The following MYT1L variants were observed in gnomAD, a reference collection of about 807,000 sequenced individuals.
MYT1L encodes the protein myelin transcription factor 1-like protein.
In MYT1L, 12 loss-of-function variants were observed where a neutral mutation model predicts 126.7. The observed-to-expected ratio is 0.09, with a 90% CI of 0.06 to 0.15. The LOEUF (loss-of-function observed/expected upper bound fraction) is 0.15. Ranked by LOEUF, MYT1L falls within the 10% of genes least tolerant of loss-of-function variation. The pLI, the probability that MYT1L is intolerant of heterozygous loss-of-function variation, is 1.00. For synonymous variants in MYT1L, 541 were observed against 604.2 expected, an observed-to-expected ratio of 0.90 and a Z score of 1.53; for missense variants, 979 against 1,585.2, an observed-to-expected ratio of 0.62 and a Z score of 6.49.
intron 2 of MYT1L, among the ~76,000 whole-genome samples, chr2:2,222,758 T>A (rs1431866701): frequency 1.3e-5 from 2 of 152,130 alleles, no homozygotes; most frequent in Non-Finnish European, 2.9e-5. Flanking sequence ...CTGTAGGATA[T>A]CTACTTGTAT....
intron 18 of MYT1L, among the ~76,000 whole-genome samples, chr2:1,856,243 T>C (rs1420496188): frequency 6.6e-6 from 1 of 152,170 alleles, no homozygotes; most frequent in Non-Finnish European, 1.5e-5. Context: ...TGAGGAACCC[T>C]TGGACTTGAC....
chr2:1,833,073 T>A (rs1239314865), intron 21 of MYT1L, among the ~76,000 whole-genome samples: 1 of 152,196 alleles, frequency 6.6e-6, no homozygotes, highest in African/African-American at 2.4e-5. Flanking sequence ...GAGCTGCAGG[T>A]TGAGCTCTCC....
chr2:2,183,116 T>C (rs1375591831), intron 2 of MYT1L, among the ~76,000 whole-genome samples: 3 of 152,030 alleles, frequency 2.0e-5, no homozygotes, highest in African/African-American at 7.2e-5. Context: ...ACAAAAAGCA[T>C]GGAGCAGTTG....
chr2:2,139,888 A>G (rs2083687379), intron 3 of MYT1L, among the ~76,000 whole-genome samples: 1 of 152,280 alleles, frequency 6.6e-6, no homozygotes, highest in South Asian at 2.1e-4. Flanking sequence ...TCATTTCCTC[A>G]GGTATGTTGG....
At chr2:2,145,785 T>C (rs2084793460) in intron 3 of MYT1L, among the ~76,000 whole-genome samples, 2 of 152,228 alleles carry the variant, frequency 1.3e-5, no homozygotes, top group Non-Finnish European at 2.9e-5. Context: ...TATAATGTTT[T>C]GACAAATATA....
chr2:1,808,954 T>C, intron 22 of MYT1L, 122 bp downstream of exon 22: 1 of 863,298 alleles, frequency 1.2e-6, no homozygotes, highest in Non-Finnish European at 1.9e-6. Context: ...GGGCCAGAAT[T>C]ATCTCTGCCC....
chr2:2,256,879 TGA>T (rs2094826293), intron 2 of MYT1L, among the ~76,000 whole-genome samples: 1 of 152,212 alleles, frequency 6.6e-6, no homozygotes, highest in Admixed American at 6.5e-5. Flanking sequence ...TTCACATGTA[TGA>T]GAGTGTGCAT....
chr2:2,148,808 C>G (rs2085287922), intron 3 of MYT1L, among the ~76,000 whole-genome samples: 1 of 152,120 alleles, frequency 6.6e-6, no homozygotes, highest in African/African-American at 2.4e-5. Context: ...GCATGAGCCT[C>G]CAAAAGGCAG....
intron 1 of MYT1L, among the ~76,000 whole-genome samples, chr2:2,304,781 G>A (rs910491831): frequency 1.3e-5 from 2 of 152,184 alleles, no homozygotes; most frequent in African/African-American, 4.8e-5. Context: ...CCTGGAAAAT[G>A]CATCTCACTA....
At chr2:1,861,811 T>C (rs5004860) in intron 18 of MYT1L, among the ~76,000 whole-genome samples, 956 of 4,628 alleles carry the variant, frequency 0.21, no homozygotes, top group Middle Eastern at 0.38. Flanking sequence ...ATCCTAGATC[T>C]GCCTGCAGCC....
chr2:2,089,019 T>C (rs1354002465), intron 3 of MYT1L, among the ~76,000 whole-genome samples: 2 of 152,176 alleles, frequency 1.3e-5, no homozygotes. Flanking sequence ...TACCAAATAA[T>C]GAATATGATA....
rs146482269 is a variant in MYT1L at position 2,177,979 on chromosome 2, A to T, written c.-420-4991T>A. Among the ~76,000 whole-genome samples the T allele has an allele frequency of 6.2e-3, 948 of 152,324 alleles. 11 individuals are homozygous for T. Among genetic ancestry groups the T allele is most frequent in the African/African-American group, 0.021 (876 of 41,572 alleles). On this transcript the variant is annotated intron_variant, in intron 2 of 24. Transcript: ENST00000647738. ...TGAGATGATCTTTGGAGACAGGAGT[A>T]GGGTTGTGACAACTAAGAAAAACTT...
At chr2:1,954,902 C>T (rs1007456279) in intron 8 of MYT1L, among the ~76,000 whole-genome samples, 19 of 144,720 alleles carry the variant, frequency 1.3e-4, no homozygotes, top group African/African-American at 4.9e-4. Context: ...CCTGTCTCTA[C>T]TTAATAAAAA....
chr2:2,257,526 C>T (rs557545190), intron 2 of MYT1L, among the ~76,000 whole-genome samples: 1 of 152,126 alleles, frequency 6.6e-6, no homozygotes, highest in Non-Finnish European at 1.5e-5. Flanking sequence ...AAAAGTAAGT[C>T]CTGGAGCTCT....
chr2:1,851,771 T>A, intron 18 of MYT1L, 68 bp from the exon 19 acceptor site: 1 of 1,484,908 alleles, frequency 6.7e-7, no homozygotes, highest in South Asian at 1.1e-5. Context: ...TTAACTTTTT[T>A]TTAATCCAAA....
chr2:2,171,138 T>C (rs779007383), intron 3 of MYT1L, among the ~76,000 whole-genome samples: 1 of 152,164 alleles, frequency 6.6e-6, no homozygotes, highest in South Asian at 2.1e-4. Flanking sequence ...GGATTTCAGC[T>C]GCTAGAACCT....
intron 2 of MYT1L, among the ~76,000 whole-genome samples, chr2:2,223,556 G>A (rs796324742): frequency 3.9e-5 from 6 of 152,274 alleles, no homozygotes; most frequent in South Asian, 2.1e-4. Context: ...AGGCACTTCC[G>A]AAAATAGCTG....
At position 2,059,961 on chromosome 2, in the gene MYT1L, A is replaced by G. The variant is rs2070175486; in HGVS notation, c.-303-5838T>C. Among the ~76,000 whole-genome samples, 1 of 152,204 alleles carries G rather than the reference A, an allele frequency of 6.6e-6. No homozygotes were observed. The highest frequency in any genetic ancestry group is 2.4e-5 in the African/African-American group (1 of 41,450). On this transcript the variant is annotated intron_variant, in intron 3 of 24. Transcript: ENST00000647738. The surrounding 1 kb of genome is among the most constrained non-coding windows in gnomAD (Gnocchi z 4.7). ...ACCCCAACCCCACCACGAGCTCGTCAGGGCAGGGGACAGAGCCCATTAGAT... is the reference window on the plus strand; with the variant it reads ...ACCCCAACCCCACCACGAGCTCGTCGGGGCAGGGGACAGAGCCCATTAGAT...
intron 4 of MYT1L, among the ~76,000 whole-genome samples, chr2:2,019,923 C>T (rs2064859354): frequency 1.3e-5 from 2 of 152,180 alleles, no homozygotes; most frequent in South Asian, 2.1e-4. Context: ...CAGCTCGCTG[C>T]AACCTCTGCC....
Sources: gnomAD v4.1 joint callset for allele counts (sites outside exome capture counted in the v4.1 genomes callset) on GRCh38, gnomAD v4.1.1 for gene constraint, Gnocchi (gnomAD v3.1) non-coding constraint, MANE v1.5 for transcripts, NCBI Gene and HGNC (gene_info 2026-07-23, HGNC 2026-07-21) for gene names.